Variants in GRIP2 observed in about 807,000 individuals in gnomAD.
The protein encoded by GRIP2 is glutamate receptor-interacting protein 2.
GRIP2 carries 58 observed loss-of-function variants against 108.3 expected under a neutral mutation model. The ratio of observed to expected loss-of-function variants is 0.54; its 90% CI spans 0.43 to 0.67. GRIP2 has a LOEUF of 0.67. GRIP2 is among the 30% of genes least tolerant of loss of function. GRIP2 has a pLI of 0.00. For synonymous variants in GRIP2, 586 were observed against 598.2 expected (o/e 0.98, Z 0.30); for missense variants, 1,278 against 1,430.6 (o/e 0.89, Z 1.72).
At chr3:14,532,502 G>A (rs1240337059) in intron 1 of GRIP2, among the ~76,000 whole-genome samples, 1 of 152,186 alleles carries the variant, frequency 6.6e-6, no homozygotes, top group Non-Finnish European at 1.5e-5. Flanking sequence ...AGCATCCTTG[G>A]CCTCTAACCA....
chr3:14,602,553 G>C, the GRIP2 span, among the ~76,000 whole-genome samples: 1 of 151,628 alleles, frequency 6.6e-6, no homozygotes, highest in Non-Finnish European at 1.5e-5. The surrounding 1 kb of genome is among the most constrained non-coding windows in gnomAD (Gnocchi z 4.7). Context: ...TGGCCGCCTC[G>C]CCAAGCCAGG....
the GRIP2 span, among the ~76,000 whole-genome samples, chr3:14,594,424 GGGAGCA>G: frequency 2.6e-5 from 4 of 152,150 alleles, no homozygotes; most frequent in African/African-American, 9.7e-5. Context: ...GGCAGAGGCT[GGGAGCA>G]GGCGTGACTC....
chr3:14,586,371 T>G, the GRIP2 span, among the ~76,000 whole-genome samples: 1,492 of 152,310 alleles, frequency 9.8e-3, 23 homozygotes, highest in African/African-American at 0.033. Flanking sequence ...GTGACTGGCA[T>G]GTGCGAGTTA....
At chr3:14,573,710 G>A in the GRIP2 span, 6 of 1,419,630 alleles carry the variant, frequency 4.2e-6, no homozygotes, top group Non-Finnish European at 5.9e-6. Flanking sequence ...ACTTGGTAAT[G>A]TCTTCTGGCC....
intron 1 of GRIP2, among the ~76,000 whole-genome samples, chr3:14,528,844 C>T (rs1694631491): frequency 6.6e-6 from 1 of 152,128 alleles, no homozygotes; most frequent in South Asian, 2.1e-4. Context: ...AAAGCTTTTG[C>T]CCATTTTTAA....
At chr3:14,530,455 T>C (rs1201574784) in intron 1 of GRIP2, among the ~76,000 whole-genome samples, 1 of 152,214 alleles carries the variant, frequency 6.6e-6, no homozygotes, top group African/African-American at 2.4e-5. Flanking sequence ...AGAATTGATG[T>C]CTTTTTCTTT....
At chr3:14,566,553 A>G in the GRIP2 span, among the ~76,000 whole-genome samples, 1 of 152,222 alleles carries the variant, frequency 6.6e-6, no homozygotes, top group Non-Finnish European at 1.5e-5. Context: ...GTGGAGCCAA[A>G]CCACAGGTTA....
Position 14,505,499 on chromosome 3 carries a change from T to A in GRIP2, c.2573+116A>T. ...GTGCTTCTCTCCCAGGAGGCACCCC[T>A]CCTCAGGAGCCCGCCAAGACTCTCC... On this transcript the variant is annotated intron_variant, in intron 20 of 23. Transcript: ENST00000621039. The surrounding 1 kb of genome is among the most constrained non-coding windows in gnomAD (Gnocchi z 4.2). 1 of 1,198,176 alleles carries A rather than the reference T, an allele frequency of 8.3e-7. No homozygotes were observed. Among genetic ancestry groups the A allele is most frequent in the Non-Finnish European group, 1.2e-6 (1 of 851,606 alleles). 74.2% of individuals were successfully genotyped at this position (1,198,176 alleles called of 1,614,324 possible).
At chr3:14,534,507 CAG>C (rs1694787238) in intron 1 of GRIP2, among the ~76,000 whole-genome samples, 1 of 151,462 alleles carries the variant, frequency 6.6e-6, no homozygotes, top group African/African-American at 2.4e-5. Flanking sequence ...GCATAAAAAA[CAG>C]AGATATTTTT....
At chr3:14,587,689 T>C in the GRIP2 span, among the ~76,000 whole-genome samples, 1 of 151,516 alleles carries the variant, frequency 6.6e-6, no homozygotes, top group Non-Finnish European at 1.5e-5. Context: ...TTTCTGGGTC[T>C]CAATCTTCTC....
chr3:14,523,320 C>A, intron 5 of GRIP2: 1 of 573,928 alleles, frequency 1.7e-6, no homozygotes. Flanking sequence ...GTGACCTCAC[C>A]TTATTTCCCC....
rs1049704981 is a variant in GRIP2, at chr3:14,522,183, C to T, written c.567-396G>A. ...GGGTGCAAGCTGTGCCCATGCCACACGGCATTGGGGGCTGCTCTGAGCCGT... is the reference window on the plus strand; with the variant it reads ...GGGTGCAAGCTGTGCCCATGCCACATGGCATTGGGGGCTGCTCTGAGCCGT... On this transcript the variant is annotated intron_variant, in intron 6 of 23. Coordinates refer to ENST00000621039, the MANE Select transcript of GRIP2 (RefSeq NM_001080423.4). The surrounding 1 kb of genome is among the most constrained non-coding windows in gnomAD (Gnocchi z 4.3). 7 of 190,374 alleles carry T rather than the reference C, an allele frequency of 3.7e-5. No individual in the cohort carries two copies. The highest frequency in any genetic ancestry group is 1.3e-4 in the South Asian group (1 of 7,554). 11.8% of individuals were successfully genotyped at this position (190,374 alleles called of 1,614,324 possible).
At position 14,513,687 on chromosome 3, in the gene GRIP2, C is replaced by T. The variant is rs375979613; in HGVS notation, c.1617G>A (p.Leu539=). Residue 539 remains leucine, a synonymous_variant, in exon 13 of 24, where the codon CTG becomes CTA. Transcript: ENST00000621039. ...RDAALAHKVV[L]EVEFDVAESV... ...CACCCGCCACATCGAACTCCACCTC[C>T]AGCACGACCTTGTGGGCCAGTGCGG... 55 of 1,610,598 alleles carry T rather than the reference C, an allele frequency of 3.4e-5. No homozygotes were observed. In the African/African-American group the frequency reaches 4.4e-4, roughly 13 times the overall value.
upstream of GRIP2, among the ~76,000 whole-genome samples, chr3:14,556,294 C>A (rs1254110560): frequency 3.3e-5 from 5 of 152,130 alleles, no homozygotes; most frequent in Non-Finnish European, 5.9e-5. Context: ...TGAAATCTAC[C>A]AATCCCCTCC....
chr3:14,506,931 A>G lies in GRIP2; in HGVS notation c.2268T>C (p.Ala756=). ...KSGSLSETSD[A]DEDPADALKG... is the part of the protein sequence containing the mutation. Reference sequence around the variant, plus strand: ...TCAGGGCATCTGCTGGGTCCTCATCAGCATCACTGGTCTCACTGAGGCTGC... The same window carrying G: ...TCAGGGCATCTGCTGGGTCCTCATCGGCATCACTGGTCTCACTGAGGCTGC... The change falls in exon 19 of 24, where the codon GCT becomes GCC. Residue 756 remains alanine (A), a synonymous_variant. Transcript: ENST00000621039. 5.6e-6 allele frequency: 9 copies of G among 1,608,022 alleles called. No individual in the cohort carries two copies. Among genetic ancestry groups the G allele is most frequent in the Non-Finnish European group, 7.6e-6 (9 of 1,177,276 alleles).
Position 14,494,932 on chromosome 3 carries a change from G to T in GRIP2, c.2881C>A (p.Leu961Ile). The T allele has an allele frequency of 6.2e-7, 1 of 1,613,964 alleles. No homozygotes were observed. The highest frequency in any genetic ancestry group is 1.3e-5 in the African/African-American group (1 of 75,058). ...TGGACATAGACACCTTTTTCCAGGA[G>T]GCCATCTGAGACGCTGAAACCAAAG... ...HDFGFSVSDG[L>I]LEKGVYVHTV... The change falls in exon 23 of 24, where the codon CTC becomes ATC. Residue 961 changes from leucine to isoleucine, a missense_variant. By Grantham distance (5) the Leu-to-Ile change is conservative (BLOSUM62 2). Coordinates refer to ENST00000621039, the MANE Select transcript of GRIP2 (RefSeq NM_001080423.4).
At chr3:14,574,884 G>T in the GRIP2 span, 1 of 298,932 alleles carries the variant, frequency 3.3e-6, no homozygotes, top group Non-Finnish European at 6.5e-6. Flanking sequence ...AATGAAAAGG[G>T]CTGGACAGTG....
intron 1 of GRIP2, among the ~76,000 whole-genome samples, chr3:14,554,014 T>C (rs1695194555): frequency 6.6e-6 from 1 of 152,154 alleles, no homozygotes; most frequent in Non-Finnish European, 1.5e-5. Flanking sequence ...CAGATGTGAC[T>C]GCCCTGGGGA....
At chr3:14,568,130 G>T in the GRIP2 span, among the ~76,000 whole-genome samples, 6 of 152,230 alleles carry the variant, frequency 3.9e-5, no homozygotes, top group South Asian at 1.2e-3. Context: ...GAGGACTTTG[G>T]TCTTCCTCAG....
Sources: gnomAD v4.1 joint callset for allele counts (sites outside exome capture counted in the v4.1 genomes callset) on GRCh38, gnomAD v4.1.1 for gene constraint, Gnocchi (gnomAD v3.1) non-coding constraint, MANE v1.5 for transcripts, NCBI Gene and HGNC (gene_info 2026-07-23, HGNC 2026-07-21) for gene names.